PTPRT: variants seen among roughly 807,000 people sequenced by gnomAD.
The protein encoded by PTPRT is protein tyrosine phosphatase receptor type T.
In PTPRT, 56 loss-of-function variants were observed where a neutral mutation model predicts 176.8. The ratio of observed to expected loss-of-function variants is 0.32; its 90% CI spans 0.26 to 0.40. PTPRT has a LOEUF of 0.40. Ranked by LOEUF, PTPRT falls within the 10% of genes least tolerant of loss-of-function variation. The pLI is 1.00. For synonymous variants in PTPRT, 783 were observed against 739.0 expected (o/e 1.06, Z -0.96); for missense variants, 1,540 against 1,908.2 (o/e 0.81, Z 3.60).
intron 1 of PTPRT, among the ~76,000 whole-genome samples, chr20:42,972,823 T>C (rs917487166): frequency 6.6e-6 from 1 of 151,834 alleles, no homozygotes; most frequent in African/African-American, 2.4e-5. Context: ...TTGTCAAAAA[T>C]AACTTTCTGC....
intron 1 of PTPRT, among the ~76,000 whole-genome samples, chr20:43,130,552 A>G (rs1395655576): frequency 6.6e-6 from 1 of 152,190 alleles, no homozygotes; most frequent in Non-Finnish European, 1.5e-5. Flanking sequence ...AATAGATTCA[A>G]TCCTGTTCAC....
At chr20:42,456,642 G>A (rs1273872960) in intron 8 of PTPRT, among the ~76,000 whole-genome samples, 2 of 152,018 alleles carry the variant, frequency 1.3e-5, no homozygotes, top group Non-Finnish European at 2.9e-5. Context: ...GTATGTTACT[G>A]TAGCAAATTA....
chr20:42,259,648 A>G (rs2068724258), intron 13 of PTPRT, among the ~76,000 whole-genome samples: 1 of 152,192 alleles, frequency 6.6e-6, no homozygotes, highest in Admixed American at 6.5e-5. Flanking sequence ...TACTTTGTAG[A>G]CTGGGTTAGG....
intron 1 of PTPRT, among the ~76,000 whole-genome samples, chr20:43,000,354 GA>G (rs948525574): frequency 1.0e-4 from 15 of 145,452 alleles, no homozygotes; most frequent in African/African-American, 3.3e-4. Flanking sequence ...ACGAGTTAAA[GA>G]AAAAAAAAGG....
chr20:42,234,162 T>C (rs1231510782), intron 15 of PTPRT, among the ~76,000 whole-genome samples: 2 of 152,174 alleles, frequency 1.3e-5, no homozygotes, highest in African/African-American at 4.8e-5. Context: ...ATTCCTGCCA[T>C]GAACCCTGTG....
At chr20:42,114,533 G>A (rs778267686) in intron 22 of PTPRT, among the ~76,000 whole-genome samples, 31 of 152,158 alleles carry the variant, frequency 2.0e-4, no homozygotes, top group Admixed American at 4.6e-4. Flanking sequence ...GTCCAGACCA[G>A]CATTTCTCAA....
intron 1 of PTPRT, among the ~76,000 whole-genome samples, chr20:42,900,120 CA>C (rs554700625): frequency 6.6e-4 from 101 of 152,310 alleles, no homozygotes; most frequent in South Asian, 2.3e-3. Flanking sequence ...TTGCAACAGG[CA>C]AATTGCCCTG....
At chr20:42,321,306 C>A (rs548559776) in intron 11 of PTPRT, among the ~76,000 whole-genome samples, 1 of 152,246 alleles carries the variant, frequency 6.6e-6, no homozygotes, top group Admixed American at 6.5e-5. Flanking sequence ...TTCCTTGGCT[C>A]TACTACAGAT....
At chr20:42,083,135 A>AAAAAC (rs1983517039) in intron 29 of PTPRT, among the ~76,000 whole-genome samples, 1 of 151,020 alleles carries the variant, frequency 6.6e-6, no homozygotes, top group Non-Finnish European at 1.5e-5. Flanking sequence ...AAAAAAAAAA[A>AAAAAC]AGCAGGCTAA....
chr20:42,964,044 C>T (rs1055029169), intron 1 of PTPRT, among the ~76,000 whole-genome samples: 6 of 152,024 alleles, frequency 3.9e-5, no homozygotes, highest in African/African-American at 7.2e-5. Context: ...CAAAAACAGG[C>T]AGTAGGTTGC....
intron 25 of PTPRT, among the ~76,000 whole-genome samples, chr20:42,104,171 A>G (rs1239386975): frequency 6.6e-6 from 1 of 152,294 alleles, no homozygotes; most frequent in South Asian, 2.1e-4. Flanking sequence ...GTGCTCTTAT[A>G]AGAAGAAACA....
rs151201550 is a variant in PTPRT, at chr20:42,460,099, G to C, written c.1451-11770C>G. Among the ~76,000 whole-genome samples the C allele has an allele frequency of 2.8e-3, 431 of 152,294 alleles. 3 individuals are homozygous for C. The highest frequency in any genetic ancestry group is 1.0e-2 in the African/African-American group (415 of 41,562). The stretch of plus-strand genomic sequence containing the variant: ...CAGTTTTGAATGTGTTTAATTCCAC[G>C]GGCTGATTAGCAATCTAGGTGGAGA... On this transcript the variant is annotated intron_variant, in intron 8 of 30. Transcript: ENST00000373187.
chr20:42,307,062 G>A (rs774008798), intron 12 of PTPRT, among the ~76,000 whole-genome samples: 3 of 152,214 alleles, frequency 2.0e-5, no homozygotes, highest in Non-Finnish European at 4.4e-5. Flanking sequence ...GGTATTATAA[G>A]AATATGAAGG....
rs2071211052 is a variant in PTPRT at position 42,472,301 on chromosome 20, T to C, written c.1415A>G (p.Glu472Gly). ...LLLSNPEGRM[E>G]SEELVVQTEE... ...AGTCTGCACCACCAGCTCCTCGCTC[T>C]CCATTCGGCCCTCGGGGTTAGACAG... Residue 472 changes from glutamate (E) to glycine (G), a missense_variant, in exon 8 of 31, where the codon GAG (glutamate) becomes GGG (glycine). This residue lies in a region of PTPRT where 79 missense variants were observed against 80.0 expected (regional missense o/e 0.99). Coordinates refer to ENST00000373187, the MANE Select transcript of PTPRT (RefSeq NM_007050.6). The C allele has an allele frequency of 1.2e-6, 2 of 1,614,108 alleles. No homozygotes were observed. Among genetic ancestry groups the C allele is most frequent in the Non-Finnish European group, 1.7e-6 (2 of 1,180,040 alleles).
chr20:42,705,579 A>G (rs2076041393), intron 6 of PTPRT, among the ~76,000 whole-genome samples: 1 of 152,134 alleles, frequency 6.6e-6, no homozygotes, highest in African/African-American at 2.4e-5. Context: ...AGGACCTTAC[A>G]ATAATAATAA....
intron 1 of PTPRT, among the ~76,000 whole-genome samples, chr20:43,060,780 T>C (rs1018144137): frequency 1.3e-5 from 2 of 152,170 alleles, no homozygotes; most frequent in Non-Finnish European, 2.9e-5. Context: ...GGACCATTCA[T>C]ATGACGTTCT....
intron 1 of PTPRT, among the ~76,000 whole-genome samples, chr20:43,024,506 C>T (rs1351655349): frequency 6.6e-6 from 1 of 150,544 alleles, no homozygotes; most frequent in Non-Finnish European, 1.5e-5. Context: ...AGGAGAATTG[C>T]TTGAACCTGG....
intron 2 of PTPRT, among the ~76,000 whole-genome samples, chr20:42,826,703 T>G (rs920448065): frequency 1.3e-5 from 2 of 152,198 alleles, no homozygotes; most frequent in East Asian, 3.9e-4. Context: ...TTCACACATA[T>G]CAGTATTAAC....
chr20:42,872,960 C>T (rs532336949), intron 2 of PTPRT, among the ~76,000 whole-genome samples: 1 of 152,298 alleles, frequency 6.6e-6, no homozygotes, highest in Admixed American at 6.5e-5. Flanking sequence ...GAGATAATGC[C>T]TACCCAATTC....
Sources: gnomAD v4.1 joint callset for allele counts (sites outside exome capture counted in the v4.1 genomes callset) on GRCh38, gnomAD v4.1.1 for gene constraint, gnomAD v4.1.1 regional missense constraint, MANE v1.5 for transcripts, NCBI Gene and HGNC (gene_info 2026-07-23, HGNC 2026-07-21) for gene names.